COL5A1: variants seen among roughly 807,000 people sequenced by gnomAD.
COL5A1 encodes the protein collagen alpha-1(V) chain.
COL5A1 carries 16 observed loss-of-function variants against 263.7 expected under a neutral mutation model. The observed-to-expected ratio is 0.06, with a 90% CI of 0.04 to 0.09. The LOEUF (loss-of-function observed/expected upper bound fraction) is 0.09, where lower values mean the gene tolerates loss of function less well. Ranked by LOEUF, COL5A1 falls within the 10% of genes least tolerant of loss-of-function variation. COL5A1 has a pLI of 1.00. For missense variants in COL5A1, 2,036 were observed against 2,540.5 expected, an observed-to-expected ratio of 0.80 and a Z score of 4.27; for synonymous variants, 1,012 against 1,004.5, an observed-to-expected ratio of 1.01 and a Z score of -0.14.
In COL5A1 at chr9:134,822,741, G is replaced by T. The variant is rs1365948149; in HGVS notation, c.4609-257G>T. 3.3e-5 allele frequency among the ~76,000 whole-genome samples: 5 copies of T among 150,918 alleles called. No homozygotes were observed. The East Asian group carries it at 9.7e-4, about 29-fold the overall frequency. ...CTGCGCCCCCCCCGCGGCTGTCTGA[G>T]CTGGGGTTTCCTAGCCAGGGTGGGT... On this transcript the variant is annotated intron_variant, in intron 59 of 65. Coordinates refer to ENST00000371817, the MANE Select transcript of COL5A1 (RefSeq NM_000093.5).
intron 11 of COL5A1, among the ~76,000 whole-genome samples, chr9:134,743,094 A>ATT (rs1184277890): frequency 6.6e-6 from 1 of 152,018 alleles, no homozygotes; most frequent in Non-Finnish European, 1.5e-5. Context: ...GTGCCTAAGA[A>ATT]ATGTTCCCTG....
chr9:134,747,975 A>ATACACACATGCATT (rs1554791446), intron 11 of COL5A1, among the ~76,000 whole-genome samples: 52 of 149,940 alleles, frequency 3.5e-4, no homozygotes, highest in Admixed American at 1.0e-3. Flanking sequence ...ACATGCATTC[A>ATACACACATGCATT]CACACACATG....
intron 4 of COL5A1, among the ~76,000 whole-genome samples, chr9:134,723,406 A>G (rs1459488822): frequency 2.6e-5 from 4 of 152,048 alleles, no homozygotes; most frequent in African/African-American, 9.7e-5. Context: ...CTGCAGGGAG[A>G]GCACCCGTCT....
At chr9:134,698,735 T>G (rs1045595109) in intron 2 of COL5A1, among the ~76,000 whole-genome samples, 7 of 152,372 alleles carry the variant, frequency 4.6e-5, no homozygotes, top group African/African-American at 1.7e-4. Context: ...CAGGCGCTGC[T>G]GCCGCAGATC....
At chr9:134,788,126 A>C (rs1837529930) in intron 31 of COL5A1, among the ~76,000 whole-genome samples, 1 of 143,128 alleles carries the variant, frequency 7.0e-6, no homozygotes. Flanking sequence ...GGTGGGGTAG[A>C]TACATAGATG....
Position 134,767,026 on chromosome 9 carries a change from A to C in COL5A1, c.2160A>C (p.Pro720=), listed in dbSNP as rs1253537832. The change falls in exon 23 of 66, where the codon CCA becomes CCC. Residue 720 remains proline (P), a synonymous_variant. Coordinates refer to ENST00000371817, the MANE Select transcript of COL5A1 (RefSeq NM_000093.5). ...NVGPQGEPGP[P]GQQGNPGAQG... Reference sequence around the variant, plus strand: ...GTCCCCAGGGAGAGCCTGGCCCCCCAGGACAGCAGGGTAATCCAGGCGCCC... The same window carrying C: ...GTCCCCAGGGAGAGCCTGGCCCCCCCGGACAGCAGGGTAATCCAGGCGCCC... 2.5e-6 allele frequency: 4 copies of C among 1,613,696 alleles called. No individual in the cohort carries two copies. The highest frequency in any genetic ancestry group is 3.4e-6 in the Non-Finnish European group (4 of 1,179,944).
intron 1 of COL5A1, among the ~76,000 whole-genome samples, chr9:134,666,654 G>C (rs760224246): frequency 1.4e-4 from 22 of 152,176 alleles, no homozygotes; most frequent in Non-Finnish European, 1.3e-4. Flanking sequence ...AAGCTAGTTT[G>C]TCCTTTCTCT....
At chr9:134,828,436 CCACACA>C (rs59261059) in intron 63 of COL5A1, among the ~76,000 whole-genome samples, 40 of 150,872 alleles carry the variant, frequency 2.7e-4, no homozygotes, top group African/African-American at 8.5e-4. Context: ...GAAGGTTCTA[CCACACA>C]CACACACACA....
intron 1 of COL5A1, among the ~76,000 whole-genome samples, chr9:134,659,604 G>A (rs896324593): frequency 2.6e-5 from 4 of 152,180 alleles, no homozygotes; most frequent in Non-Finnish European, 4.4e-5. Flanking sequence ...GGAGCAGGAG[G>A]AATGTGAAGT....
chr9:134,827,282 A>C (rs1839326137), intron 63 of COL5A1, among the ~76,000 whole-genome samples: 1 of 152,158 alleles, frequency 6.6e-6, no homozygotes, highest in Non-Finnish European at 1.5e-5. Context: ...CTCAGTAGCC[A>C]CTTTGGGTTA....
At chr9:134,832,222 G>A (rs1389476196) in intron 64 of COL5A1, among the ~76,000 whole-genome samples, 8 of 152,060 alleles carry the variant, frequency 5.3e-5, no homozygotes, top group East Asian at 1.9e-4. Context: ...CCTGGCCAAC[G>A]TGGCAAAACC....
intron 11 of COL5A1, among the ~76,000 whole-genome samples, chr9:134,739,852 C>T (rs879726073): frequency 4.2e-4 from 64 of 152,034 alleles, no homozygotes; most frequent in Non-Finnish European, 7.8e-4. Flanking sequence ...GAGCAAGAGC[C>T]GAGCCAGTGG....
At chr9:134,764,862 G>T (rs1283230012) in intron 20 of COL5A1, among the ~76,000 whole-genome samples, 2 of 152,150 alleles carry the variant, frequency 1.3e-5, no homozygotes, top group Non-Finnish European at 2.9e-5. Context: ...CTATAACTAG[G>T]TATTAAAATA....
At chr9:134,709,072 G>T in intron 4 of COL5A1, 1 of 397,594 alleles carries the variant, frequency 2.5e-6, no homozygotes, top group South Asian at 1.9e-5. Flanking sequence ...CATTCCATCT[G>T]CAGTGATCTT....
rs151119727 is a variant in COL5A1, at chr9:134,670,602, G to A, written c.110-20310G>A. On this transcript the variant is annotated intron_variant, in intron 1 of 65. Transcript: ENST00000371817. ...ACCCTTTTAGGCAAGCCCCCGGGTC[G>A]TTGTCTGGAGGATGGAGCAGCACTT... is the stretch of plus-strand genomic sequence containing the variant. 4.5e-3 allele frequency among the ~76,000 whole-genome samples: 687 copies of A among 152,264 alleles called. 5 individuals carry two copies. Among genetic ancestry groups the A allele is most frequent in the African/African-American group, 0.016 (651 of 41,546 alleles).
chr9:134,802,777 G>A (rs139183527), intron 38 of COL5A1, 111 bp from the exon 39 acceptor site: 114 of 826,558 alleles, frequency 1.4e-4, no homozygotes, highest in Middle Eastern at 1.3e-3. Flanking sequence ...TGGTGTGCCC[G>A]CAGCAGACCT....
chr9:134,693,510 A>C (rs1833356894), intron 2 of COL5A1, among the ~76,000 whole-genome samples: 2 of 152,110 alleles, frequency 1.3e-5, no homozygotes, highest in Admixed American at 6.5e-5. Context: ...TGCCCCATTC[A>C]TGGCAGATGA....
In COL5A1 at chr9:134,817,783, C is replaced by T; in HGVS notation, c.4182C>T (p.Pro1394=). ...GPSGPPGKRG[P]PGPAGPEGRQ... is the part of the protein sequence containing the mutation. The stretch of plus-strand genomic sequence containing the variant: ...TGTTCTCTTGCTTCTTTCAGGGTCC[C>T]CCAGGCCCCGCAGGCCCCGAAGGCA... The change falls in exon 54 of 66, where the codon CCC becomes CCT. Residue 1394 remains proline, a synonymous_variant. Transcript: ENST00000371817. 1 of 1,612,328 alleles carries T rather than the reference C, an allele frequency of 6.2e-7. No homozygotes were observed. Among genetic ancestry groups the T allele is most frequent in the Non-Finnish European group, 8.5e-7 (1 of 1,179,238 alleles).
intron 25 of COL5A1, among the ~76,000 whole-genome samples, chr9:134,769,556 C>T (rs1428685731): frequency 6.6e-6 from 1 of 152,234 alleles, no homozygotes; most frequent in Non-Finnish European, 1.5e-5. Context: ...ATCTCATCTC[C>T]TGATTTAGCC....
Sources: gnomAD v4.1 joint callset for allele counts (sites outside exome capture counted in the v4.1 genomes callset) on GRCh38, gnomAD v4.1.1 for gene constraint, MANE v1.5 for transcripts, NCBI Gene and HGNC (gene_info 2026-07-23, HGNC 2026-07-21) for gene names.